EFCAB5: variants seen among roughly 807,000 people sequenced by gnomAD.
The protein encoded by EFCAB5 is EF-hand calcium-binding domain-containing protein 5.
EFCAB5 carries 131 observed loss-of-function variants against 167.9 expected under a neutral mutation model. The observed-to-expected ratio is 0.78, with a 90% CI of 0.68 to 0.90. EFCAB5 has a LOEUF of 0.90. Ranked by LOEUF, EFCAB5 falls within the 40% of genes least tolerant of loss-of-function variation. The probability of loss-of-function intolerance (pLI) is 0.00; values close to 1 mark genes in which losing one functional copy is unlikely to be tolerated. For missense variants in EFCAB5, 1,663 were observed against 1,745.2 expected (o/e 0.95, Z 0.84); for synonymous variants, 574 against 602.8 (o/e 0.95, Z 0.70).
At chr17:30,097,298 C>T (rs1036804842) in intron 22 of EFCAB5, among the ~76,000 whole-genome samples, 6 of 151,864 alleles carry the variant, frequency 4.0e-5, no homozygotes, top group African/African-American at 1.2e-4. Context: ...TCAGATGATC[C>T]GCCCCCTCGG....
chr17:30,073,320 G>A, intron 14 of EFCAB5: 1 of 542,430 alleles, frequency 1.8e-6, no homozygotes, highest in East Asian at 3.0e-5. Context: ...GTCTCCCGAA[G>A]TGCTGGGATT....
intron 1 of EFCAB5, among the ~76,000 whole-genome samples, chr17:29,931,834 T>C (rs955025383): frequency 1.3e-5 from 2 of 152,218 alleles, no homozygotes; most frequent in African/African-American, 2.4e-5. Context: ...GTCTTAGTAC[T>C]TGTATGTTGA....
At chr17:30,068,327 A>T (rs1019486088) in intron 14 of EFCAB5, among the ~76,000 whole-genome samples, 28 of 152,126 alleles carry the variant, frequency 1.8e-4, no homozygotes, top group African/African-American at 6.3e-4. Flanking sequence ...AAAAATCAGT[A>T]GCATTTCTAT....
At chr17:29,938,269 G>A (rs1395944797), upstream of EFCAB5, among the ~76,000 whole-genome samples, 1 of 151,952 alleles carries the variant, frequency 6.6e-6, no homozygotes, top group East Asian at 1.9e-4. Flanking sequence ...GTAGGATTAT[G>A]TCTAAAAAAT....
At position 30,005,049 on chromosome 17, in the gene EFCAB5, C is replaced by T. The variant is rs150145578; in HGVS notation, c.1044+5073C>T. 1.7e-4 allele frequency among the ~76,000 whole-genome samples: 26 copies of T among 152,142 alleles called. No individual in the cohort carries two copies. In the East Asian group the frequency reaches 5.0e-3, roughly 29 times the overall value. ...TGTTATTGCAGCCTGAGCTAAGACACAGTTTCAGTGTTAGAGTCCCAGAAA... is the reference window on the plus strand; with the variant it reads ...TGTTATTGCAGCCTGAGCTAAGACATAGTTTCAGTGTTAGAGTCCCAGAAA... On this transcript the variant is annotated intron_variant, in intron 7 of 22. Coordinates refer to ENST00000394835, the MANE Select transcript of EFCAB5 (RefSeq NM_198529.4).
At chr17:30,080,355 C>T in intron 16 of EFCAB5, 114 bp downstream of exon 16, 1 of 1,145,572 alleles carries the variant, frequency 8.7e-7, no homozygotes, top group South Asian at 1.9e-5. Context: ...CCTCAAGTCA[C>T]CAGTGCTTCT....
At chr17:30,041,709 G>A (rs1474522644) in intron 8 of EFCAB5, among the ~76,000 whole-genome samples, 1 of 152,166 alleles carries the variant, frequency 6.6e-6, no homozygotes, top group Non-Finnish European at 1.5e-5. Context: ...TTCATTAAAG[G>A]AAGAGTCAAC....
chr17:29,937,186 T>A (rs571654702), upstream of EFCAB5, among the ~76,000 whole-genome samples: 1 of 152,208 alleles, frequency 6.6e-6, no homozygotes, highest in South Asian at 2.1e-4. Context: ...TCATCACTCC[T>A]GCTTCTTTAT....
At position 30,080,170 on chromosome 17, in the gene EFCAB5, T is replaced by A. The variant is rs1385314976; in HGVS notation, c.3126T>A (p.Asn1042Lys). 1.2e-6 allele frequency: 2 copies of A among 1,613,924 alleles called. No homozygotes were observed. The highest frequency in any genetic ancestry group is 1.6e-4 in the Middle Eastern group (1 of 6,062). The change falls in exon 16 of 23, where the codon AAT becomes AAA. Residue 1042 changes from asparagine to lysine, a missense_variant. Coordinates refer to ENST00000394835, the MANE Select transcript of EFCAB5 (RefSeq NM_198529.4). Reference protein sequence around the residue: ...LPEKGNVLLRNVACTLDDAQF... With the variant: ...LPEKGNVLLRKVACTLDDAQF... ...AGAAAGGGAATGTTCTATTGAGGAATGTGGCTTGTACCTTAGATGATGCTC... is the reference window on the plus strand; with the variant it reads ...AGAAAGGGAATGTTCTATTGAGGAAAGTGGCTTGTACCTTAGATGATGCTC...
intron 6 of EFCAB5, among the ~76,000 whole-genome samples, chr17:29,999,384 G>T (rs982721697): frequency 8.5e-5 from 13 of 152,252 alleles, no homozygotes; most frequent in African/African-American, 3.1e-4. Context: ...GTTGACAGTG[G>T]TTACATCTGG....
intron 10 of EFCAB5, 47 bp from the exon 11 acceptor site, chr17:30,055,841 G>A (rs1284944488): frequency 1.9e-6 from 3 of 1,575,002 alleles, no homozygotes; most frequent in Middle Eastern, 1.7e-4. Flanking sequence ...ATAGCTAATG[G>A]AATATGTAAT....
At chr17:29,957,243 G>A (rs1399527798) in intron 3 of EFCAB5, among the ~76,000 whole-genome samples, 1 of 152,112 alleles carries the variant, frequency 6.6e-6, no homozygotes, top group East Asian at 1.9e-4. Flanking sequence ...TTGATATGAT[G>A]TGTCACAGTG....
Position 30,053,300 on chromosome 17 carries a change from G to A in EFCAB5, c.1346G>A (p.Gly449Glu). Residue 449 changes from glycine to glutamate, a missense_variant, in exon 10 of 23, where the codon GGA (glycine) becomes GAA (glutamate). By Grantham distance (98) the Gly-to-Glu change is moderately conservative. Coordinates refer to ENST00000394835, the MANE Select transcript of EFCAB5 (RefSeq NM_198529.4). ...GAGATAAACTTGACTGAGTTGTGGG[G>A]AGACATGGATAATCAGAAACACATT... The part of the protein sequence containing the change: ...FEEINLTELW[G>E]DMDNQKHIYE... The A allele has an allele frequency of 6.2e-7, 1 of 1,612,744 alleles. No individual in the cohort carries two copies. Among genetic ancestry groups the A allele is most frequent in the Non-Finnish European group, 8.5e-7 (1 of 1,179,084 alleles).
intron 5 of EFCAB5, among the ~76,000 whole-genome samples, chr17:29,994,063 C>T (rs981113734): frequency 1.4e-5 from 2 of 147,348 alleles, no homozygotes; most frequent in African/African-American, 5.0e-5. Flanking sequence ...ATGATCATGC[C>T]ACTGCACTCC....
intron 7 of EFCAB5, among the ~76,000 whole-genome samples, chr17:30,008,087 G>A (rs1006659849): frequency 6.6e-6 from 1 of 151,928 alleles, no homozygotes; most frequent in Non-Finnish European, 1.5e-5. Flanking sequence ...TGATTGATGG[G>A]TTTTGCTGAT....
At chr17:29,930,900 T>C (rs2067184013) in intron 1 of EFCAB5, among the ~76,000 whole-genome samples, 3 of 152,224 alleles carry the variant, frequency 2.0e-5, no homozygotes, top group South Asian at 4.1e-4. Flanking sequence ...CAGCCTGCTA[T>C]TGACCTCTCA....
chr17:30,080,879 T>A lies in EFCAB5; in HGVS notation c.3324T>A (p.Leu1108=). 1.9e-6 allele frequency: 3 copies of A among 1,613,892 alleles called. No homozygotes were observed. The highest frequency in any genetic ancestry group is 2.5e-6 in the Non-Finnish European group (3 of 1,179,846). Residue 1108 remains leucine, a synonymous_variant, in exon 17 of 23, where the codon CTT becomes CTA. Coordinates refer to ENST00000394835, the MANE Select transcript of EFCAB5 (RefSeq NM_198529.4). The stretch of plus-strand genomic sequence containing the variant: ...ATGGTTCATTCCTGGCTCTGCCTCT[T>A]CAAGATGCATATATGAGGATCTTTG... ...DYNGSFLALP[L]QDAYMRIFGV... is the part of the protein sequence containing the mutation.
In EFCAB5 at chr17:29,989,601, G is replaced by T. The variant is rs535273600; in HGVS notation, c.768-3564G>T. The stretch of plus-strand genomic sequence containing the variant: ...ATAGCAGGAGAAGACAGTCCTGGCT[G>T]CCATGTCCCCATAGGTTGTATAACT... On this transcript the variant is annotated intron_variant, in intron 4 of 22. Coordinates refer to ENST00000394835, the MANE Select transcript of EFCAB5 (RefSeq NM_198529.4). Among the ~76,000 whole-genome samples, 3 of 152,324 alleles carry T rather than the reference G, an allele frequency of 2.0e-5. No homozygotes were observed. The South Asian group carries it at 6.2e-4, about 32-fold the overall frequency.
chr17:30,033,130 G>A (rs2069522308), intron 7 of EFCAB5, among the ~76,000 whole-genome samples: 1 of 151,802 alleles, frequency 6.6e-6, no homozygotes, highest in African/African-American at 2.4e-5. Context: ...CCAGGCTGGA[G>A]TGCAGTGGCG....
Sources: gnomAD v4.1 joint callset for allele counts (sites outside exome capture counted in the v4.1 genomes callset) on GRCh38, gnomAD v4.1.1 for gene constraint, MANE v1.5 for transcripts, NCBI Gene and HGNC (gene_info 2026-07-23, HGNC 2026-07-21) for gene names.